The following SYCP1 variants were observed in gnomAD, a reference collection of about 807,000 sequenced individuals.
SYCP1 encodes the protein cancer/testis antigen 8.
A neutral mutation model predicts 153.1 loss-of-function variants in SYCP1; 64 were observed. The observed-to-expected ratio is 0.42, with a 90% CI of 0.34 to 0.51. The LOEUF (loss-of-function observed/expected upper bound fraction) is 0.51. Ranked by LOEUF, SYCP1 falls within the 20% of genes least tolerant of loss-of-function variation. The pLI, the probability that SYCP1 is intolerant of heterozygous loss-of-function variation, is 0.06. For synonymous variants in SYCP1, 384 were observed against 341.8 expected, an observed-to-expected ratio of 1.12 and a Z score of -1.36; for missense variants, 997 against 1,049.0, an observed-to-expected ratio of 0.95 and a Z score of 0.68.
intron 15 of SYCP1, among the ~76,000 whole-genome samples, chr1:114,894,480 A>C (rs1466119371): frequency 2.0e-5 from 3 of 152,176 alleles, no homozygotes; most frequent in Non-Finnish European, 2.9e-5. Flanking sequence ...GCAGGTTAAA[A>C]ATATAAGAAA....
chr1:114,922,534 T>C (rs1668963489), intron 20 of SYCP1, among the ~76,000 whole-genome samples: 1 of 151,996 alleles, frequency 6.6e-6, no homozygotes, highest in Admixed American at 6.6e-5. Context: ...GACACACTTT[T>C]AAACATCCAA....
chr1:114,995,284 A>T lies in SYCP1; in HGVS notation c.*265A>T, dbSNP rs1674207776. Reference sequence around the variant, plus strand: ...GAAAACTGTTTTTACTAAGTTTTCAAATTTGTAAAGTTAGCCTTTGAATGC... The same window carrying T: ...GAAAACTGTTTTTACTAAGTTTTCATATTTGTAAAGTTAGCCTTTGAATGC... On this transcript the variant is annotated 3_prime_UTR_variant, in exon 32 of 32. Coordinates refer to ENST00000369522, the MANE Select transcript of SYCP1 (RefSeq NM_003176.4). 4.1e-6 allele frequency: 1 copy of T among 243,866 alleles called. No homozygotes were observed. Among genetic ancestry groups the T allele is most frequent in the African/African-American group, 2.3e-5 (1 of 44,270 alleles). 15.1% of individuals were successfully genotyped at this position (243,866 alleles called of 1,614,324 possible). A position where few individuals can be genotyped will look rare whatever the true frequency, so the allele number is the denominator to read the frequency against.
chr1:114,943,600 G>T (rs1285055231), intron 23 of SYCP1, among the ~76,000 whole-genome samples: 1 of 151,834 alleles, frequency 6.6e-6, no homozygotes, highest in Non-Finnish European at 1.5e-5. Flanking sequence ...TATAAATTAA[G>T]AATGTTTTTT....
chr1:114,947,418 TTAA>T (rs1473419849), intron 27 of SYCP1, 98 bp downstream of exon 27: 15 of 811,146 alleles, frequency 1.8e-5, no homozygotes, highest in African/African-American at 3.5e-5. Flanking sequence ...TTGATAAATT[TTAA>T]TAACGGGATG....
chr1:114,981,307 G>A, intron 28 of SYCP1, 29 bp from the exon 29 acceptor site: 1 of 1,493,802 alleles, frequency 6.7e-7, no homozygotes, highest in South Asian at 1.3e-5. Flanking sequence ...TTTAGTGATG[G>A]TTTTATTCAT....
intron 27 of SYCP1, among the ~76,000 whole-genome samples, chr1:114,975,738 A>C (rs1672760116): frequency 6.6e-6 from 1 of 151,700 alleles, no homozygotes. Context: ...GATTATGATA[A>C]ATCATTTTTC....
At chr1:114,866,925 T>C (rs1664790510) in intron 8 of SYCP1, among the ~76,000 whole-genome samples, 1 of 151,622 alleles carries the variant, frequency 6.6e-6, no homozygotes, top group Non-Finnish European at 1.5e-5. Flanking sequence ...TGCATGCAGA[T>C]GTCCACTTGT....
chr1:114,961,549 C>T (rs766461951), intron 27 of SYCP1, among the ~76,000 whole-genome samples: 5 of 152,150 alleles, frequency 3.3e-5, no homozygotes, highest in Admixed American at 6.6e-5. Context: ...TCACTATTAT[C>T]GTTTAGTTGA....
At chr1:114,950,035 T>C (rs1314751828) in intron 27 of SYCP1, among the ~76,000 whole-genome samples, 1 of 152,204 alleles carries the variant, frequency 6.6e-6, no homozygotes, top group Non-Finnish European at 1.5e-5. Flanking sequence ...ATTCAAAATG[T>C]ATGCTGCCCT....
intron 27 of SYCP1, among the ~76,000 whole-genome samples, chr1:114,958,264 C>T (rs535915652): frequency 3.3e-5 from 5 of 151,940 alleles, no homozygotes; most frequent in South Asian, 2.1e-4. Context: ...GTAAATACAG[C>T]GGTGGTTACT....
intron 27 of SYCP1, among the ~76,000 whole-genome samples, chr1:114,968,508 G>T (rs544434871): frequency 6.6e-6 from 1 of 152,286 alleles, no homozygotes; most frequent in South Asian, 2.1e-4. Context: ...AAGTTCTCAT[G>T]CTGTGTTTTT....
At chr1:114,943,573 A>G (rs1670517688) in intron 23 of SYCP1, among the ~76,000 whole-genome samples, 1 of 151,914 alleles carries the variant, frequency 6.6e-6, no homozygotes, top group Admixed American at 6.6e-5. Context: ...ATGAATCTAT[A>G]AAGAAGAGTA....
chr1:114,992,159 T>C (rs1377221240), intron 30 of SYCP1, among the ~76,000 whole-genome samples: 4 of 151,700 alleles, frequency 2.6e-5, no homozygotes, highest in African/African-American at 7.2e-5. Flanking sequence ...TTGAAAGACC[T>C]AAATAAATGG....
At chr1:114,884,867 T>G (rs1045347565) in intron 12 of SYCP1, among the ~76,000 whole-genome samples, 1 of 152,164 alleles carries the variant, frequency 6.6e-6, no homozygotes, top group Non-Finnish European at 1.5e-5. Flanking sequence ...TGAACTTCTT[T>G]TTTCTCCTAT....
intron 16 of SYCP1, among the ~76,000 whole-genome samples, chr1:114,900,079 G>A (rs955931954): frequency 3.3e-5 from 5 of 152,192 alleles, no homozygotes; most frequent in Admixed American, 6.5e-5. Flanking sequence ...TGAATACTTC[G>A]TTGTGCTTTT....
At chr1:114,916,792 T>A (rs982827182) in intron 20 of SYCP1, among the ~76,000 whole-genome samples, 2 of 152,032 alleles carry the variant, frequency 1.3e-5, no homozygotes, top group African/African-American at 4.8e-5. Context: ...TTCAATTTTT[T>A]ATTAAACTTG....
intron 27 of SYCP1, among the ~76,000 whole-genome samples, chr1:114,954,222 T>C (rs1671287327): frequency 6.6e-6 from 1 of 152,176 alleles, no homozygotes; most frequent in Admixed American, 6.5e-5. Flanking sequence ...CGTGAGAACA[T>C]TAAAAATCTT....
intron 23 of SYCP1, among the ~76,000 whole-genome samples, chr1:114,930,152 T>C (rs1337152930): frequency 6.6e-6 from 1 of 151,992 alleles, no homozygotes; most frequent in Non-Finnish European, 1.5e-5. Flanking sequence ...AATGATGAGA[T>C]AGACATAAAA....
At chr1:114,967,810 T>C (rs889814923) in intron 27 of SYCP1, among the ~76,000 whole-genome samples, 10 of 152,230 alleles carry the variant, frequency 6.6e-5, no homozygotes, top group Non-Finnish European at 1.3e-4. Flanking sequence ...GTTTTTGCAG[T>C]GGCTGGTACC....
Sources: gnomAD v4.1 joint callset for allele counts (sites outside exome capture counted in the v4.1 genomes callset) on GRCh38, gnomAD v4.1.1 for gene constraint, MANE v1.5 for transcripts, NCBI Gene and HGNC (gene_info 2026-07-23, HGNC 2026-07-21) for gene names.